The following C10orf67 variants were observed in gnomAD, a reference collection of about 807,000 sequenced individuals.
C10orf67 encodes the protein chromosome 10 open reading frame 67.
C10orf67 carries 60 observed loss-of-function variants against 35.6 expected under a neutral mutation model. The observed-to-expected ratio is 1.68, with a 90% confidence interval of 1.37 to 2.09. The LOEUF is 2.09. Ranked by LOEUF, C10orf67 falls within the 30% of genes most tolerant of loss-of-function variation. C10orf67 has a pLI of 0.00. For missense variants in C10orf67, 474 were observed against 330.2 expected, an observed-to-expected ratio of 1.44 and a Z score of -3.38; for synonymous variants, 167 against 115.8, an observed-to-expected ratio of 1.44 and a Z score of -2.84.
intron 8 of C10orf67, among the ~76,000 whole-genome samples, chr10:23,278,726 G>A (rs1408791213): frequency 1.3e-5 from 2 of 152,162 alleles, no homozygotes; most frequent in East Asian, 1.9e-4. Context: ...AGCTAACCAG[G>A]TGCTGACCAA....
At chr10:23,247,324 C>T (rs1408604438) in intron 12 of C10orf67, among the ~76,000 whole-genome samples, 1 of 152,100 alleles carries the variant, frequency 6.6e-6, no homozygotes, top group Non-Finnish European at 1.5e-5. Flanking sequence ...CGCATTTTCA[C>T]TGTATCTTTT....
chr10:23,208,450 G>A (rs1045744475), intron 15 of C10orf67, among the ~76,000 whole-genome samples: 5 of 152,144 alleles, frequency 3.3e-5, no homozygotes, highest in African/African-American at 4.8e-5. Flanking sequence ...AGCGATTTCC[G>A]CAGAAATGGT....
rs1006703817 is a variant in C10orf67 at position 23,250,506 on chromosome 10, G to T, written c.1295C>A (p.Ala432Asp). The T allele has an allele frequency of 2.5e-6, 1 of 398,426 alleles. No homozygotes were observed. The highest frequency in any genetic ancestry group is 2.1e-5 in the African/African-American group (1 of 48,598). The allele number at this position is 398,426 out of a possible 1,614,324, so 24.7% of individuals were successfully genotyped here. ...KKKVERFRKE[A>D]DRLNKSWEKR... ...TTCCCAGCTTTTATTTAGTCGATCA[G>T]CTTCCTTCCTAAACCTATAAAAAAT... The change falls in exon 12 of 16, where the codon GCT becomes GAT. Residue 432 changes from alanine (A) to aspartate (D), a missense_variant. Physicochemically the swap from Ala to Asp is moderately radical, Grantham distance 126. Transcript: ENST00000636213.
chr10:23,236,481 T>A (rs916608983), intron 13 of C10orf67, among the ~76,000 whole-genome samples: 1 of 151,680 alleles, frequency 6.6e-6, no homozygotes, highest in African/African-American at 2.4e-5. Context: ...AACAACAATA[T>A]CAAGTTTTTA....
chr10:23,262,895 A>T (rs1266315019), intron 10 of C10orf67, among the ~76,000 whole-genome samples: 1 of 152,230 alleles, frequency 6.6e-6, no homozygotes, highest in Admixed American at 6.5e-5. Context: ...TTTTAGTGAT[A>T]AATGAAAAAT....
chr10:23,319,785 A>T (rs1233308213), intron 4 of C10orf67, among the ~76,000 whole-genome samples: 1 of 152,134 alleles, frequency 6.6e-6, no homozygotes, highest in Non-Finnish European at 1.5e-5. Flanking sequence ...CAGCCAACTC[A>T]CCTTCAGGTC....
chr10:23,216,316 T>C (rs1841428623), intron 15 of C10orf67, among the ~76,000 whole-genome samples: 1 of 152,098 alleles, frequency 6.6e-6, no homozygotes, highest in Admixed American at 6.6e-5. Flanking sequence ...AAAATGCAAA[T>C]TCACACCCAT....
intron 2 of C10orf67, among the ~76,000 whole-genome samples, chr10:23,327,658 C>G (rs1339855901): frequency 6.6e-6 from 1 of 152,078 alleles, no homozygotes; most frequent in South Asian, 2.1e-4. Context: ...AACCCCATCT[C>G]TACTAAAAAT....
Position 23,239,744 on chromosome 10 carries a change from T to C in C10orf67, c.1419A>G (p.Thr473=), listed in dbSNP as rs767997105. 5.6e-5 allele frequency: 37 copies of C among 660,894 alleles called. No homozygotes were observed. The highest frequency in any genetic ancestry group is 1.4e-4 in the Admixed American group (7 of 49,524). 40.9% of individuals were successfully genotyped at this position (660,894 alleles called of 1,614,324 possible). Residue 473 remains threonine, a synonymous_variant, in exon 13 of 16, where the codon ACA becomes ACG. Coordinates refer to ENST00000636213, the MANE Select transcript of C10orf67 (RefSeq NM_001371909.1). ...ATGCACTTACAATATAATTGAAGGA[T>C]GTGTCAGCAAGCACTGCAAACTGAC... ...LFRQFAVLAD[T]SFNYIKVKPL...
intron 8 of C10orf67, among the ~76,000 whole-genome samples, chr10:23,281,351 C>A (rs886419653): frequency 7.9e-5 from 12 of 152,152 alleles, no homozygotes; most frequent in Non-Finnish European, 1.8e-4. Flanking sequence ...CTTTTCTCTT[C>A]CAAACAGTAT....
intron 2 of C10orf67, among the ~76,000 whole-genome samples, chr10:23,327,218 T>A (rs1238039959): frequency 2.0e-5 from 3 of 151,880 alleles, no homozygotes. Flanking sequence ...AAAAATAAGA[T>A]AAAGAGAAAT....
intron 15 of C10orf67, among the ~76,000 whole-genome samples, chr10:23,205,396 G>T (rs1841130128): frequency 6.6e-6 from 1 of 152,208 alleles, no homozygotes; most frequent in Admixed American, 6.5e-5. Context: ...ACTTGAACAG[G>T]CTACCTAAAC....
intron 2 of C10orf67, 84 bp downstream of exon 2, chr10:23,332,978 A>T: frequency 7.4e-7 from 1 of 1,349,440 alleles, no homozygotes; most frequent in Non-Finnish European, 1.0e-6. Flanking sequence ...AATTTTAATT[A>T]TTTCACTTTT....
intron 8 of C10orf67, among the ~76,000 whole-genome samples, chr10:23,270,958 A>G (rs1056637161): frequency 9.2e-5 from 14 of 152,226 alleles, no homozygotes; most frequent in African/African-American, 1.4e-4. Context: ...CAGAGCCCCA[A>G]TTAAAAGACA....
chr10:23,342,055 T>C (rs946064658), intron 1 of C10orf67, among the ~76,000 whole-genome samples: 4 of 152,020 alleles, frequency 2.6e-5, no homozygotes, highest in African/African-American at 9.7e-5. Context: ...TCTCAGCTAC[T>C]CAGGAGGCTG....
chr10:23,285,151 G>A (rs1299453921), intron 7 of C10orf67, among the ~76,000 whole-genome samples: 1 of 152,064 alleles, frequency 6.6e-6, no homozygotes, highest in African/African-American at 2.4e-5. Context: ...GGGAGAAACA[G>A]GAAGGAGGAG....
chr10:23,293,371 G>A (rs994528499), intron 5 of C10orf67, among the ~76,000 whole-genome samples: 6 of 152,078 alleles, frequency 3.9e-5, no homozygotes, highest in African/African-American at 1.2e-4. Context: ...CTATTCAGAC[G>A]CCCACAGCAA....
At chr10:23,234,261 A>G (rs935723696) in intron 13 of C10orf67, among the ~76,000 whole-genome samples, 7 of 152,230 alleles carry the variant, frequency 4.6e-5, no homozygotes, top group African/African-American at 1.4e-4. Flanking sequence ...TAGCAAAGAC[A>G]TGGAATCAAC....
chr10:23,341,715 T>C (rs1845891967), intron 1 of C10orf67, among the ~76,000 whole-genome samples: 1 of 152,170 alleles, frequency 6.6e-6, no homozygotes, highest in African/African-American at 2.4e-5. Flanking sequence ...ACTGGCCTCC[T>C]TGCTGCTCCT....
Sources: allele counts gnomAD v4.1 joint callset (sites outside exome capture counted in the v4.1 genomes callset), GRCh38; gene constraint gnomAD v4.1.1; transcripts MANE v1.5; gene names NCBI Gene and HGNC (gene_info 2026-07-23, HGNC 2026-07-21).